RALA: variants seen among roughly 807,000 people sequenced by gnomAD.
RALA encodes RAS like proto-oncogene A.
Under a neutral mutation model 24.0 loss-of-function variants are expected in RALA, and 5 were observed. The observed-to-expected ratio is 0.21, with a 90% CI of 0.11 to 0.44. The LOEUF (loss-of-function observed/expected upper bound fraction) is 0.44. Among genes scored for constraint, RALA ranks in the 20% least tolerant of loss-of-function variants. The pLI, the probability that RALA is intolerant of heterozygous loss-of-function variation, is 0.99. For synonymous variants in RALA, 77 were observed against 83.8 expected (o/e 0.92, Z 0.44); for missense variants, 95 against 241.2 (o/e 0.39, Z 4.01).
chr7:39,661,396 A>C (rs1274307438), intron 1 of RALA, among the ~76,000 whole-genome samples: 1 of 152,270 alleles, frequency 6.6e-6, no homozygotes, highest in East Asian at 1.9e-4. Context: ...TAGACAAGGC[A>C]AGTCCCTTCA....
intron 1 of RALA, among the ~76,000 whole-genome samples, chr7:39,653,265 T>C (rs997580710): frequency 6.6e-6 from 1 of 151,988 alleles, no homozygotes; most frequent in African/African-American, 2.4e-5. Context: ...CCTGACCTTA[T>C]CATCCGCCTG....
chr7:39,675,670 G>A (rs1473139582), intron 1 of RALA, among the ~76,000 whole-genome samples: 1 of 150,958 alleles, frequency 6.6e-6, no homozygotes, highest in Admixed American at 6.6e-5. Flanking sequence ...AGTCTGCAGT[G>A]AGCTGTGATG....
At chr7:39,657,471 G>T (rs1430709505) in intron 1 of RALA, among the ~76,000 whole-genome samples, 1 of 152,192 alleles carries the variant, frequency 6.6e-6, no homozygotes, top group African/African-American at 2.4e-5. Context: ...GTTAAAAATT[G>T]TAAAATGGAA....
chr7:39,655,479 G>A (rs112086321), intron 1 of RALA, among the ~76,000 whole-genome samples: 2,813 of 152,276 alleles, frequency 0.018, 59 homozygotes, highest in Admixed American at 0.06. Flanking sequence ...GCAGTTTGTC[G>A]TATGTTGTAC....
chr7:39,632,044 C>G (rs1387387645), intron 1 of RALA, among the ~76,000 whole-genome samples: 1 of 152,152 alleles, frequency 6.6e-6, no homozygotes, highest in East Asian at 1.9e-4. Context: ...TTTAAACAAC[C>G]AGCTCTCATG....
chr7:39,664,355 A>G (rs547778192), intron 1 of RALA, among the ~76,000 whole-genome samples: 2 of 152,332 alleles, frequency 1.3e-5, no homozygotes, highest in Admixed American at 6.5e-5. Flanking sequence ...GATTGCTTTC[A>G]TCAATGCTTT....
intron 1 of RALA, among the ~76,000 whole-genome samples, chr7:39,647,322 C>T (rs983093604): frequency 6.6e-6 from 1 of 152,188 alleles, no homozygotes; most frequent in Non-Finnish European, 1.5e-5. Flanking sequence ...GGATTACAGG[C>T]GTGAGCCACC....
At chr7:39,704,443 G>A (rs1159536617) in intron 4 of RALA, among the ~76,000 whole-genome samples, 3 of 150,304 alleles carry the variant, frequency 2.0e-5, no homozygotes, top group African/African-American at 4.9e-5. Context: ...TCAGCCTCTC[G>A]AGTAGCTGGG....
intron 1 of RALA, among the ~76,000 whole-genome samples, chr7:39,671,740 C>T (rs1205822521): frequency 6.6e-6 from 1 of 152,162 alleles, no homozygotes; most frequent in African/African-American, 2.4e-5. Context: ...CTACTGTACC[C>T]TTAAAACAGA....
intron 1 of RALA, among the ~76,000 whole-genome samples, chr7:39,674,384 A>G (rs1256221418): frequency 1.3e-5 from 2 of 152,222 alleles, no homozygotes; most frequent in African/African-American, 4.8e-5. Flanking sequence ...TTAATATCAG[A>G]AATTATGACT....
intron 1 of RALA, among the ~76,000 whole-genome samples, chr7:39,680,367 ACT>A (rs1583743493): frequency 7.0e-6 from 1 of 143,724 alleles, no homozygotes; most frequent in Non-Finnish European, 1.5e-5. Flanking sequence ...CAAGAGTGAG[ACT>A]CTGTCTCAAA....
chr7:39,636,033 G>A (rs1363451768), intron 1 of RALA, among the ~76,000 whole-genome samples: 6 of 152,158 alleles, frequency 3.9e-5, no homozygotes, highest in Non-Finnish European at 2.9e-5. Context: ...TGTAGCATGC[G>A]GCAATACTTC....
intron 1 of RALA, among the ~76,000 whole-genome samples, chr7:39,627,120 G>T (rs563093771): frequency 6.6e-6 from 1 of 151,216 alleles, no homozygotes; most frequent in Non-Finnish European, 1.5e-5. Context: ...AAAAACAGCT[G>T]ATTGTCTGGC....
chr7:39,665,348 T>G (rs1325882568), intron 1 of RALA, among the ~76,000 whole-genome samples: 2 of 152,204 alleles, frequency 1.3e-5, no homozygotes, highest in Non-Finnish European at 2.9e-5. Context: ...TCTAGCTTAC[T>G]TTATTGTCAG....
At chr7:39,659,079 A>G (rs1188647632) in intron 1 of RALA, among the ~76,000 whole-genome samples, 2 of 152,134 alleles carry the variant, frequency 1.3e-5, no homozygotes, top group Non-Finnish European at 2.9e-5. Context: ...CAGGAGTTCC[A>G]GACCAGCCTG....
intron 1 of RALA, among the ~76,000 whole-genome samples, chr7:39,673,049 A>T (rs1583736094): frequency 6.6e-6 from 1 of 152,176 alleles, no homozygotes; most frequent in Admixed American, 6.5e-5. Context: ...TTAGCTGATC[A>T]TGGTGGTGCA....
chr7:39,678,195 A>G (rs973308613), intron 1 of RALA, among the ~76,000 whole-genome samples: 1 of 130,746 alleles, frequency 7.6e-6, no homozygotes, highest in African/African-American at 3.3e-5. Flanking sequence ...AAGTATAATT[A>G]AAAAAAAAAA....
intron 1 of RALA, among the ~76,000 whole-genome samples, chr7:39,672,116 T>C (rs1177491987): frequency 8.6e-5 from 13 of 152,028 alleles, no homozygotes; most frequent in Admixed American, 8.5e-4. Context: ...TCAAAAAATA[T>C]GTCAAGAAAA....
chr7:39,651,781 G>A (rs563569403), intron 1 of RALA, among the ~76,000 whole-genome samples: 42 of 152,174 alleles, frequency 2.8e-4, no homozygotes, highest in Non-Finnish European at 5.3e-4. Context: ...AATGCTGTTT[G>A]TAAGCAGCTT....
Sources: gnomAD v4.1 joint callset for allele counts (sites outside exome capture counted in the v4.1 genomes callset) on GRCh38, gnomAD v4.1.1 for gene constraint, MANE v1.5 for transcripts, NCBI Gene and HGNC (gene_info 2026-07-23, HGNC 2026-07-21) for gene names.